Variants in ASIC2 observed in about 807,000 individuals in gnomAD.
The protein encoded by ASIC2 is acid-sensing ion channel 2.
Under a neutral mutation model 57.3 loss-of-function variants are expected in ASIC2, and 25 were observed. The observed-to-expected ratio is 0.44, with a 90% CI of 0.32 to 0.61. The LOEUF is 0.61. Among genes scored for constraint, ASIC2 ranks in the 20% least tolerant of loss-of-function variants. The probability of loss-of-function intolerance (pLI) is 0.06; values close to 1 mark genes in which losing one functional copy is unlikely to be tolerated. For synonymous variants in ASIC2, 319 were observed against 307.5 expected (o/e 1.04, Z -0.39); for missense variants, 641 against 738.1 (o/e 0.87, Z 1.52).
At chr17:33,591,506 G>T (rs1361209094) in intron 1 of ASIC2, among the ~76,000 whole-genome samples, 1 of 152,156 alleles carries the variant, frequency 6.6e-6, no homozygotes. Flanking sequence ...ATCTGAGTTG[G>T]CACTTAGAGT....
At chr17:33,176,362 A>T (rs1177160548) in intron 1 of ASIC2, among the ~76,000 whole-genome samples, 1 of 152,108 alleles carries the variant, frequency 6.6e-6, no homozygotes, top group Non-Finnish European at 1.5e-5. Flanking sequence ...CTTTTTTGAG[A>T]TAGGGTCTCA....
rs536937503 is a variant in ASIC2 at position 33,682,124 on chromosome 17, A to G, written c.555+473854T>C. Among the ~76,000 whole-genome samples the G allele has an allele frequency of 4.8e-5, 7 of 147,296 alleles. No homozygotes were observed. The East Asian group carries it at 7.9e-4, about 17-fold the overall frequency. ...GCCCAGGCTGGAGTGCAGTAGTGCAATCTTGGCTCACTGCAAGCTCCGCCT... is the reference window on the plus strand; with the variant it reads ...GCCCAGGCTGGAGTGCAGTAGTGCAGTCTTGGCTCACTGCAAGCTCCGCCT... On this transcript the variant is annotated intron_variant, in intron 1 of 9. Coordinates refer to the ASIC2 transcript ENST00000359872.
At chr17:34,000,094 C>G (rs111291927) in intron 1 of ASIC2, among the ~76,000 whole-genome samples, 41 of 151,472 alleles carry the variant, frequency 2.7e-4, no homozygotes, top group Non-Finnish European at 4.4e-4. Flanking sequence ...TATCATCCCA[C>G]TCTCTTCTGG....
intron 1 of ASIC2, among the ~76,000 whole-genome samples, chr17:33,766,778 A>G (rs1485740897): frequency 1.3e-5 from 2 of 152,196 alleles, no homozygotes; most frequent in East Asian, 3.8e-4. Flanking sequence ...GAAAAGGGTA[A>G]AAAAAGAAAA....
chr17:33,949,091 A>AT (rs11331382), intron 1 of ASIC2, among the ~76,000 whole-genome samples: 85 of 150,672 alleles, frequency 5.6e-4, no homozygotes, highest in African/African-American at 1.7e-3. Context: ...TCTTCTTTTG[A>AT]TTTTTTTTTT....
At chr17:33,629,443 G>A (rs1906091873) in intron 1 of ASIC2, among the ~76,000 whole-genome samples, 1 of 152,188 alleles carries the variant, frequency 6.6e-6, no homozygotes, top group Non-Finnish European at 1.5e-5. Context: ...AAATCAGAGG[G>A]CTACTCAGTT....
intron 1 of ASIC2, among the ~76,000 whole-genome samples, chr17:33,444,613 G>GGCAAGTGTTAGGGTAGTGC (rs1911947812): frequency 6.6e-6 from 1 of 152,222 alleles, no homozygotes; most frequent in African/African-American, 2.4e-5. Flanking sequence ...CTGGGGAGTG[G>GGCAAGTGTTAGGGTAGTGC]GCAAGTGTTA....
chr17:33,430,986 C>A (rs1597725843), intron 1 of ASIC2, among the ~76,000 whole-genome samples: 1 of 152,282 alleles, frequency 6.6e-6, no homozygotes, highest in Admixed American at 6.5e-5. Flanking sequence ...CTAAAGACCA[C>A]AAGCCCTGCC....
At chr17:33,664,693 C>A (rs796194135) in intron 1 of ASIC2, among the ~76,000 whole-genome samples, 1 of 152,204 alleles carries the variant, frequency 6.6e-6, no homozygotes, top group East Asian at 1.9e-4. Flanking sequence ...GAGCTCCCCC[C>A]TCTTCTTTAA....
Position 34,092,225 on chromosome 17 carries a change from GT to G in ASIC2, c.555+63752del, listed in dbSNP as rs1330171665. On this transcript the variant is annotated intron_variant, in intron 1 of 9. Coordinates refer to the ASIC2 transcript ENST00000359872. ...AGGATCAAGAGGCAATACAGTAGAG[GT>G]TTCAGGCAAAGGGCTGGGAGGAACA... 2.0e-5 allele frequency among the ~76,000 whole-genome samples: 3 copies of G among 152,312 alleles called. No homozygotes were observed. In the East Asian group the frequency reaches 5.8e-4, roughly 29 times the overall value.
chr17:34,037,782 G>T (rs1302871395), intron 1 of ASIC2: 1 of 1,614,188 alleles, frequency 6.2e-7, no homozygotes, highest in East Asian at 2.2e-5. Context: ...GCCAAGCATC[G>T]TCGAATCAAC....
intron 1 of ASIC2, among the ~76,000 whole-genome samples, chr17:33,123,787 T>A (rs1328806873): frequency 6.6e-6 from 1 of 152,168 alleles, no homozygotes; most frequent in Non-Finnish European, 1.5e-5. Context: ...AACCCTGAGA[T>A]CAGACACATG....
intron 1 of ASIC2, among the ~76,000 whole-genome samples, chr17:33,440,067 T>C (rs1911770997): frequency 6.6e-6 from 1 of 152,208 alleles, no homozygotes; most frequent in African/African-American, 2.4e-5. Context: ...TTCAATGATT[T>C]TTGCATAGTG....
chr17:33,136,029 C>CT (rs1377281614), intron 1 of ASIC2, among the ~76,000 whole-genome samples: 7 of 152,176 alleles, frequency 4.6e-5, no homozygotes, highest in Non-Finnish European at 1.0e-4. Context: ...GGATCCCATC[C>CT]AAGAGATTCA....
chr17:34,104,144 T>C (rs1017271739), intron 1 of ASIC2, among the ~76,000 whole-genome samples: 4 of 152,150 alleles, frequency 2.6e-5, no homozygotes, highest in African/African-American at 7.2e-5. Flanking sequence ...CAATATTTTG[T>C]AGTTTTCAAT....
At chr17:33,952,095 A>G (rs1904593804) in intron 1 of ASIC2, among the ~76,000 whole-genome samples, 2 of 152,228 alleles carry the variant, frequency 1.3e-5, no homozygotes, top group Non-Finnish European at 2.9e-5. Flanking sequence ...ACCCCATGAT[A>G]TCTTCAAATT....
intron 1 of ASIC2, among the ~76,000 whole-genome samples, chr17:33,156,359 C>A (rs1905002845): frequency 6.6e-6 from 1 of 151,916 alleles, no homozygotes; most frequent in South Asian, 2.1e-4. Flanking sequence ...AACTCCTGAC[C>A]CTGTAATCCA....
At chr17:33,885,774 C>T (rs1198173883) in intron 1 of ASIC2, among the ~76,000 whole-genome samples, 1 of 152,194 alleles carries the variant, frequency 6.6e-6, no homozygotes, top group African/African-American at 2.4e-5. Flanking sequence ...TTCCTTAATT[C>T]CTTAGGAGGG....
intron 1 of ASIC2, among the ~76,000 whole-genome samples, chr17:33,809,652 TC>T (rs1469054830): frequency 6.6e-6 from 1 of 152,150 alleles, no homozygotes; most frequent in African/African-American, 2.4e-5. Context: ...AGGACTGACA[TC>T]CCTCAGAGGT....
Sources: allele counts gnomAD v4.1 joint callset (sites outside exome capture counted in the v4.1 genomes callset), GRCh38; gene constraint gnomAD v4.1.1; transcripts MANE v1.5; gene names NCBI Gene and HGNC (gene_info 2026-07-23, HGNC 2026-07-21).